SGMS2: variants seen among roughly 807,000 people sequenced by gnomAD.
SGMS2 encodes phosphatidylcholine:ceramide cholinephosphotransferase 2.
SGMS2 carries 21 observed loss-of-function variants against 43.8 expected under a neutral mutation model. The observed-to-expected ratio is 0.48, with a 90% CI of 0.34 to 0.69. The LOEUF (loss-of-function observed/expected upper bound fraction) is 0.69, where lower values mean the gene tolerates loss of function less well. SGMS2 is among the 30% of genes least tolerant of loss of function. The pLI, the probability that SGMS2 is intolerant of heterozygous loss-of-function variation, is 0.01. For missense variants in SGMS2, 384 were observed against 443.2 expected (o/e 0.87, Z 1.20); for synonymous variants, 167 against 160.6 (o/e 1.04, Z -0.30).
chr4:107,883,530 G>A (rs1172042227), intron 2 of SGMS2, among the ~76,000 whole-genome samples: 1 of 152,074 alleles, frequency 6.6e-6, no homozygotes, highest in Admixed American at 6.6e-5. Context: ...TGGCCAGGCT[G>A]GTCTCAAACT....
chr4:107,881,329 A>G (rs1729329758), intron 2 of SGMS2, among the ~76,000 whole-genome samples: 1 of 152,148 alleles, frequency 6.6e-6, no homozygotes, highest in East Asian at 1.9e-4. Flanking sequence ...ATCTTTTCAT[A>G]TGGAATGGTA....
chr4:107,871,757 G>A lies in SGMS2; in HGVS notation c.-245+13204G>A, dbSNP rs534468189. Among the ~76,000 whole-genome samples the A allele has an allele frequency of 2.8e-4, 42 of 152,056 alleles. 1 individual carries two copies. Among genetic ancestry groups the A allele is most frequent in the South Asian group, 2.5e-3 (12 of 4,820 alleles). ...TTTCTATACCTGTAGTTTCTATCCC[G>A]TTTACTCAAGATAAAATTTAAAAAC... is the stretch of plus-strand genomic sequence containing the variant. On this transcript the variant is annotated intron_variant, in intron 2 of 6. Transcript: ENST00000690982.
intron 2 of SGMS2, among the ~76,000 whole-genome samples, chr4:107,866,282 T>G (rs1728110327): frequency 6.6e-6 from 1 of 152,144 alleles, no homozygotes; most frequent in Non-Finnish European, 1.5e-5. Context: ...AAAAAACTCT[T>G]GGCTGGGCAT....
intron 2 of SGMS2, among the ~76,000 whole-genome samples, chr4:107,878,268 A>G (rs1729081272): frequency 6.6e-6 from 1 of 152,082 alleles, no homozygotes; most frequent in African/African-American, 2.4e-5. Context: ...GAAGGAAGAC[A>G]CTATTTGGGG....
intron 2 of SGMS2, among the ~76,000 whole-genome samples, chr4:107,866,426 CGTA>C (rs1728125912): frequency 2.6e-5 from 4 of 151,898 alleles, no homozygotes; most frequent in Admixed American, 2.6e-4. Flanking sequence ...ATTAGCCAGG[CGTA>C]GTGGTGTGCA....
chr4:107,838,925 A>G (rs868416936), intron 1 of SGMS2, among the ~76,000 whole-genome samples: 8 of 152,186 alleles, frequency 5.3e-5, no homozygotes, highest in Non-Finnish European at 1.0e-4. Context: ...CCTTGCCTGG[A>G]CTGAGGATAT....
In SGMS2 at chr4:107,860,526, T is replaced by C. The variant is rs111760095; in HGVS notation, c.-245+1973T>C. Among the ~76,000 whole-genome samples, 862 of 120,364 alleles carry C rather than the reference T, an allele frequency of 7.2e-3. 3 individuals carry two copies. Among genetic ancestry groups the C allele is most frequent in the Non-Finnish European group, 0.011 (672 of 59,156 alleles). 79.0% of individuals were successfully genotyped at this position (120,364 alleles called of 152,430 possible). On this transcript the variant is annotated intron_variant, in intron 2 of 6. Transcript: ENST00000690982. The stretch of plus-strand genomic sequence containing the variant: ...AAATTGCATCTCTGAGAGGAAGGTG[T>C]TTTTTTTTTTTTTGAGACGGAGCCT...
chr4:107,880,566 A>T (rs1729256540), intron 2 of SGMS2, among the ~76,000 whole-genome samples: 1 of 152,046 alleles, frequency 6.6e-6, no homozygotes, highest in African/African-American at 2.4e-5. Context: ...TGTTAATAAG[A>T]AAAAGCTGGC....
At chr4:107,886,832 A>G (rs1003313303) in intron 2 of SGMS2, 1 of 152,198 alleles carries the variant, frequency 6.6e-6, no homozygotes, top group African/African-American at 2.4e-5. Flanking sequence ...GTGTCCTGTT[A>G]TAAATGAAAA....
intron 2 of SGMS2, among the ~76,000 whole-genome samples, chr4:107,879,552 C>G (rs1729189763): frequency 1.3e-5 from 2 of 151,928 alleles, no homozygotes; most frequent in Admixed American, 1.3e-4. Context: ...ACCTCTGCCT[C>G]CCAGGTTCAA....
At chr4:107,845,955 G>A (rs1578518188) in intron 1 of SGMS2, among the ~76,000 whole-genome samples, 1 of 152,280 alleles carries the variant, frequency 6.6e-6, no homozygotes, top group East Asian at 1.9e-4. Flanking sequence ...GACCACAAAT[G>A]TTGTTTCATC....
intron 4 of SGMS2, among the ~76,000 whole-genome samples, chr4:107,900,006 A>G (rs1730987227): frequency 6.6e-6 from 1 of 152,130 alleles, no homozygotes. Context: ...CAGGGATTGT[A>G]GTAACCCAAA....
At chr4:107,825,376 C>G (rs1010263695) in intron 1 of SGMS2, 123 bp downstream of exon 1, 6 of 152,224 alleles carry the variant, frequency 3.9e-5, no homozygotes, top group African/African-American at 1.4e-4. Context: ...CCCCACCCTC[C>G]CCGCCCAGGG....
intron 2 of SGMS2, among the ~76,000 whole-genome samples, chr4:107,889,295 C>A (rs1389057888): frequency 1.3e-5 from 2 of 152,132 alleles, no homozygotes; most frequent in Non-Finnish European, 1.5e-5. Context: ...AGTTTTATAA[C>A]CCCCATGTCA....
In SGMS2 at chr4:107,831,108, G is replaced by A. The variant is rs1725865314; in HGVS notation, c.-327+5855G>A. 3.3e-5 allele frequency among the ~76,000 whole-genome samples: 5 copies of A among 152,210 alleles called. No individual in the cohort carries two copies. The South Asian group carries it at 1.0e-3, about 31-fold the overall frequency. On this transcript the variant is annotated intron_variant, in intron 1 of 6. Coordinates refer to ENST00000690982, the MANE Select transcript of SGMS2 (RefSeq NM_001375905.1). The stretch of plus-strand genomic sequence containing the variant: ...GCAAAAGTACCCTTAAAGTAGCCAA[G>A]GGTACAGAGCTGGTGGGAAGTAGAG...
At chr4:107,824,849 TGTCAA>T (rs988037772), upstream of SGMS2, 4 of 152,410 alleles carry the variant, frequency 2.6e-5, no homozygotes, top group Non-Finnish European at 1.5e-5. Context: ...GAATGAATGA[TGTCAA>T]GAGCGCGCTG....
At chr4:107,843,519 G>A (rs191516168) in intron 1 of SGMS2, among the ~76,000 whole-genome samples, 22 of 152,302 alleles carry the variant, frequency 1.4e-4, no homozygotes, top group Non-Finnish European at 2.1e-4. Flanking sequence ...AAGAGAAGCC[G>A]AATAAGCTGA....
chr4:107,888,258 C>T (rs1729911055), intron 2 of SGMS2, among the ~76,000 whole-genome samples: 1 of 151,934 alleles, frequency 6.6e-6, no homozygotes, highest in South Asian at 2.1e-4. Context: ...ACACAAAAGT[C>T]AAAGGCCTGT....
intron 2 of SGMS2, among the ~76,000 whole-genome samples, chr4:107,886,201 G>GT (rs1245009844): frequency 8.4e-4 from 124 of 146,992 alleles, no homozygotes; most frequent in Middle Eastern, 3.5e-3. Context: ...CTTTGTTGTT[G>GT]TTTTTTTTTT....
Sources: allele counts gnomAD v4.1 joint callset (sites outside exome capture counted in the v4.1 genomes callset), GRCh38; gene constraint gnomAD v4.1.1; transcripts MANE v1.5; gene names NCBI Gene and HGNC (gene_info 2026-07-23, HGNC 2026-07-21).